The following GPC6 variants were observed in gnomAD, a reference collection of about 807,000 sequenced individuals.
The protein encoded by GPC6 is glypican 6.
A neutral mutation model predicts 55.2 loss-of-function variants in GPC6; 14 were observed. The ratio of observed to expected loss-of-function variants is 0.25; its 90% confidence interval spans 0.17 to 0.40. The LOEUF (loss-of-function observed/expected upper bound fraction) is 0.40, where lower values mean the gene tolerates loss of function less well. Among genes scored for constraint, GPC6 ranks in the 10% least tolerant of loss-of-function variants. The probability of loss-of-function intolerance (pLI) is 1.00; values close to 1 mark genes in which losing one functional copy is unlikely to be tolerated. For synonymous variants in GPC6, 278 were observed against 259.6 expected (o/e 1.07, Z -0.68); for missense variants, 641 against 708.5 (o/e 0.90, Z 1.08).
intron 1 of GPC6, among the ~76,000 whole-genome samples, chr13:93,529,506 G>GT: frequency 7.4e-6 from 1 of 135,574 alleles, no homozygotes; most frequent in African/African-American, 2.8e-5. Context: ...TGGACTCTGA[G>GT]ATTCTTTTTT....
intron 3 of GPC6, among the ~76,000 whole-genome samples, chr13:93,966,650 CA>C (rs774343437): frequency 2.8e-4 from 22 of 79,760 alleles, no homozygotes; most frequent in Admixed American, 2.6e-3. Context: ...TTGTTTCCTT[CA>C]TTTTTTTTTT....
rs1885137972 is a variant in GPC6, at chr13:93,766,652, A to G, written c.320-63502A>G. ...AATTTGGGAAAGGAAAGGAAGAATG[A>G]TACAAAGACATACTGTAAGTATTTT... On this transcript the variant is annotated intron_variant, in intron 2 of 8. Transcript: ENST00000377047. Among the ~76,000 whole-genome samples the G allele has an allele frequency of 2.0e-5, 3 of 152,296 alleles. No individual in the cohort carries two copies. The South Asian group carries it at 6.2e-4, about 32-fold the overall frequency.
In GPC6 at chr13:93,731,862, T is replaced by C. The variant is rs372798418; in HGVS notation, c.320-98292T>C. Among the ~76,000 whole-genome samples the C allele has an allele frequency of 3.3e-5, 5 of 152,278 alleles. No homozygotes were observed. In the South Asian group the frequency reaches 8.3e-4, roughly 25 times the overall value. On this transcript the variant is annotated intron_variant, in intron 2 of 8. Transcript: ENST00000377047. ...GCCTTGAAGATCAATTCTGAAAATCTAACTAATTTGAGAAAAAAAATGACA... is the reference window on the plus strand; with the variant it reads ...GCCTTGAAGATCAATTCTGAAAATCCAACTAATTTGAGAAAAAAAATGACA...
chr13:93,554,371 C>T (rs1875343668), intron 2 of GPC6, among the ~76,000 whole-genome samples: 1 of 152,014 alleles, frequency 6.6e-6, no homozygotes, highest in Admixed American at 6.6e-5. Flanking sequence ...CTTATGCTCC[C>T]ATCCAATATT....
intron 2 of GPC6, among the ~76,000 whole-genome samples, chr13:93,697,015 A>C (rs139989515): frequency 6.6e-6 from 1 of 152,212 alleles, no homozygotes; most frequent in East Asian, 1.9e-4. Context: ...GTATAGCCCA[A>C]GGAATCCCTT....
intron 2 of GPC6, among the ~76,000 whole-genome samples, chr13:93,610,185 G>GA (rs918059828): frequency 3.9e-5 from 6 of 152,126 alleles, no homozygotes; most frequent in African/African-American, 1.2e-4. Context: ...AGATTTTACG[G>GA]AAAAAACTTC....
intron 6 of GPC6, among the ~76,000 whole-genome samples, chr13:94,320,606 A>C (rs1876771288): frequency 6.6e-6 from 1 of 152,190 alleles, no homozygotes; most frequent in Non-Finnish European, 1.5e-5. Context: ...ACTTTAGGGA[A>C]GCCCTGTATT....
intron 7 of GPC6, among the ~76,000 whole-genome samples, chr13:94,387,962 A>C (rs981776109): frequency 5.3e-5 from 8 of 152,202 alleles, no homozygotes; most frequent in Non-Finnish European, 1.2e-4. Context: ...TCTAGGGTAG[A>C]ACCTGAGTGA....
intron 3 of GPC6, among the ~76,000 whole-genome samples, chr13:93,896,340 A>G (rs1248254659): frequency 5.3e-5 from 8 of 152,038 alleles, no homozygotes; most frequent in Non-Finnish European, 1.2e-4. Context: ...TTCACCTCTA[A>G]GTCCTTATAG....
chr13:93,307,797 A>C (rs1033127774), intron 1 of GPC6, among the ~76,000 whole-genome samples: 1 of 152,152 alleles, frequency 6.6e-6, no homozygotes, highest in Non-Finnish European at 1.5e-5. Context: ...TTAATAATAT[A>C]TTTATATTCT....
At chr13:93,516,956 T>C (rs1047941233) in intron 1 of GPC6, among the ~76,000 whole-genome samples, 2 of 152,166 alleles carry the variant, frequency 1.3e-5, no homozygotes, top group African/African-American at 2.4e-5. Context: ...TAACCAATAG[T>C]ACAAAGAGAC....
In GPC6 at chr13:93,703,647, G is replaced by A. The variant is rs537461796; in HGVS notation, c.320-126507G>A. 4.0e-4 allele frequency among the ~76,000 whole-genome samples: 60 copies of A among 151,726 alleles called. No homozygotes were observed. The South Asian group carries it at 9.8e-3, about 25-fold the overall frequency. On this transcript the variant is annotated intron_variant, in intron 2 of 8. Coordinates refer to ENST00000377047, the MANE Select transcript of GPC6 (RefSeq NM_005708.5). ...AGATTTTAGTCCACCCCCCGCCCCC[G>A]TTAACAAATGAGAAAGTAACAAAGA...
chr13:93,922,602 G>A (rs774558209), intron 3 of GPC6, among the ~76,000 whole-genome samples: 9 of 152,066 alleles, frequency 5.9e-5, no homozygotes, highest in Non-Finnish European at 1.3e-4. Flanking sequence ...CTTCCCCCCA[G>A]CTATGCCAAA....
At chr13:93,823,386 G>A (rs1358210599) in intron 2 of GPC6, among the ~76,000 whole-genome samples, 1 of 151,634 alleles carries the variant, frequency 6.6e-6, no homozygotes, top group South Asian at 2.1e-4. Flanking sequence ...GGATCTCTGG[G>A]TTGCATTCTG....
chr13:93,781,577 A>G (rs1445019577), intron 2 of GPC6, among the ~76,000 whole-genome samples: 1 of 152,152 alleles, frequency 6.6e-6, no homozygotes, highest in African/African-American at 2.4e-5. Context: ...TATATGAAAT[A>G]TAGAGAAGAG....
rs1425778903 is a variant in GPC6, at chr13:94,137,609, A to G, written c.877+109715A>G. Among the ~76,000 whole-genome samples the G allele has an allele frequency of 2.0e-5, 3 of 152,176 alleles. No homozygotes were observed. In the East Asian group the frequency reaches 5.8e-4, roughly 29 times the overall value. On this transcript the variant is annotated intron_variant, in intron 4 of 8. Coordinates refer to ENST00000377047, the MANE Select transcript of GPC6 (RefSeq NM_005708.5). ...CAATTATAAACATTTATTAAGCACC[A>G]AGAATATACTGTGATGGTTGCTATA...
At chr13:93,897,070 T>G (rs925850120) in intron 3 of GPC6, among the ~76,000 whole-genome samples, 9 of 151,890 alleles carry the variant, frequency 5.9e-5, no homozygotes, top group African/African-American at 2.2e-4. Flanking sequence ...TCAGCCAAAT[T>G]ATGTTTTTTT....
At chr13:93,902,060 G>A (rs1876388688) in intron 3 of GPC6, among the ~76,000 whole-genome samples, 1 of 151,960 alleles carries the variant, frequency 6.6e-6, no homozygotes, top group South Asian at 2.1e-4. Flanking sequence ...ATTTCCTTGT[G>A]ATGAGAACAT....
intron 2 of GPC6, among the ~76,000 whole-genome samples, chr13:93,749,810 C>A (rs1386529583): frequency 6.6e-6 from 1 of 151,958 alleles, no homozygotes; most frequent in Non-Finnish European, 1.5e-5. Context: ...GAAAAAAATA[C>A]AACGTCAAAT....
Sources: gnomAD v4.1 joint callset for allele counts (sites outside exome capture counted in the v4.1 genomes callset) on GRCh38, gnomAD v4.1.1 for gene constraint, MANE v1.5 for transcripts, NCBI Gene and HGNC (gene_info 2026-07-23, HGNC 2026-07-21) for gene names.